GPHN: variants seen among roughly 807,000 people sequenced by gnomAD.
GPHN encodes the protein gephyrin.
A neutral mutation model predicts 95.5 loss-of-function variants in GPHN; 17 were observed. The ratio of observed to expected loss-of-function variants is 0.18; its 90% CI spans 0.12 to 0.27. The LOEUF is 0.27. GPHN is among the 10% of genes least tolerant of loss of function. The probability of loss-of-function intolerance (pLI) is 1.00; values close to 1 mark genes in which losing one functional copy is unlikely to be tolerated. For missense variants in GPHN, 660 were observed against 978.1 expected, an observed-to-expected ratio of 0.67 and a Z score of 4.34; for synonymous variants, 320 against 322.5, an observed-to-expected ratio of 0.99 and a Z score of 0.08.
At chr14:67,027,800 A>G (rs568535184) in intron 10 of GPHN, among the ~76,000 whole-genome samples, 79 of 152,296 alleles carry the variant, frequency 5.2e-4, no homozygotes, top group African/African-American at 1.7e-3. Context: ...ATCTTGATAC[A>G]TGCATAGAAT....
At chr14:67,150,231 A>G (rs2081173331) in intron 18 of GPHN, among the ~76,000 whole-genome samples, 1 of 151,706 alleles carries the variant, frequency 6.6e-6, no homozygotes, top group South Asian at 2.1e-4. Context: ...TCACGAGATC[A>G]GGAGATCGAG....
intron 2 of GPHN, among the ~76,000 whole-genome samples, chr14:66,704,875 A>G (rs1447203161): frequency 6.6e-6 from 1 of 152,206 alleles, no homozygotes; most frequent in Non-Finnish European, 1.5e-5. Context: ...TTAATCCAGG[A>G]GCTGGTCATT....
chr14:66,735,832 T>C (rs1000123652), intron 2 of GPHN, among the ~76,000 whole-genome samples: 2 of 152,148 alleles, frequency 1.3e-5, no homozygotes, highest in African/African-American at 2.4e-5. Flanking sequence ...TATAGAAGCA[T>C]AGAGAAAGAG....
At chr14:66,717,093 C>T (rs1350907287) in intron 2 of GPHN, among the ~76,000 whole-genome samples, 1 of 152,130 alleles carries the variant, frequency 6.6e-6, no homozygotes, top group African/African-American at 2.4e-5. Flanking sequence ...ATATGTTTTC[C>T]AAGCTTTTAG....
At chr14:67,109,712 C>T (rs993980679) in intron 13 of GPHN, among the ~76,000 whole-genome samples, 4 of 152,104 alleles carry the variant, frequency 2.6e-5, no homozygotes, top group Admixed American at 2.0e-4. Context: ...CTGCATTTCT[C>T]AAACATTAGA....
intron 8 of GPHN, among the ~76,000 whole-genome samples, chr14:66,946,601 T>C (rs985812068): frequency 1.3e-5 from 2 of 152,102 alleles, no homozygotes; most frequent in African/African-American, 4.8e-5. Context: ...AGACGGGGTT[T>C]CATATGTTGG....
the GPHN span, chr14:67,733,929 A>G: frequency 9.5e-7 from 1 of 1,058,130 alleles, no homozygotes; most frequent in Non-Finnish European, 1.5e-6. Flanking sequence ...ACCCTAAAGG[A>G]TTGTCCTCTT....
chr14:67,714,449 T>C, the GPHN span: 1 of 152,278 alleles, frequency 6.6e-6, no homozygotes, highest in East Asian at 1.9e-4. Context: ...GTTTTATTTT[T>C]GTACCTAATA....
At chr14:66,990,399 A>G (rs1199731139) in intron 9 of GPHN, among the ~76,000 whole-genome samples, 1 of 152,154 alleles carries the variant, frequency 6.6e-6, no homozygotes, top group Middle Eastern at 3.2e-3. Flanking sequence ...AGTCAGAACC[A>G]TGTTCCTTAT....
At chr14:67,074,296 A>G (rs1010498663) in intron 11 of GPHN, among the ~76,000 whole-genome samples, 2 of 151,054 alleles carry the variant, frequency 1.3e-5, no homozygotes, top group Non-Finnish European at 2.9e-5. Flanking sequence ...GTGTCACATT[A>G]TGGTAATTCT....
At chr14:66,858,726 G>C (rs2144909) in intron 4 of GPHN, among the ~76,000 whole-genome samples, 47,163 of 151,848 alleles carry the variant, frequency 0.31, 11,344 homozygotes, top group African/African-American at 0.65. Flanking sequence ...AGGCCTTGGA[G>C]CTTGGACAGC....
At chr14:67,705,159 T>C in the GPHN span, among the ~76,000 whole-genome samples, 1 of 152,120 alleles carries the variant, frequency 6.6e-6, no homozygotes, top group African/African-American at 2.4e-5. Context: ...TCGTTAGAAG[T>C]TGGAATGATT....
chr14:66,625,361 C>A (rs1043136433), intron 1 of GPHN, among the ~76,000 whole-genome samples: 17 of 152,174 alleles, frequency 1.1e-4, no homozygotes, highest in Admixed American at 1.1e-3. Flanking sequence ...TCATGGGCCA[C>A]CATGCCCGGC....
chr14:67,670,106 C>T, the GPHN span, among the ~76,000 whole-genome samples: 24 of 152,152 alleles, frequency 1.6e-4, no homozygotes, highest in African/African-American at 5.8e-4. Context: ...CTGTGTCAAA[C>T]AAATTCCCGT....
intron 2 of GPHN, among the ~76,000 whole-genome samples, chr14:66,699,340 T>TA (rs1295199462): frequency 2.0e-5 from 3 of 151,592 alleles, no homozygotes; most frequent in Non-Finnish European, 4.4e-5. Context: ...CCCTAAAACT[T>TA]AAAGTATAAT....
chr14:67,345,926 A>G, the GPHN span: 1 of 1,102,652 alleles, frequency 9.1e-7, no homozygotes, highest in African/African-American at 1.6e-5. Context: ...CTTCCCTATA[A>G]AATTCCCCAA....
chr14:66,876,211 GAC>G (rs1398947516), intron 4 of GPHN, among the ~76,000 whole-genome samples: 1 of 152,036 alleles, frequency 6.6e-6, no homozygotes, highest in Non-Finnish European at 1.5e-5. Flanking sequence ...TGAGAACAAA[GAC>G]ACAATAAACC....
intron 21 of GPHN, among the ~76,000 whole-genome samples, chr14:67,173,837 T>A (rs889867344): frequency 5.3e-5 from 8 of 152,038 alleles, no homozygotes; most frequent in South Asian, 2.1e-4. Context: ...ATGATATAAA[T>A]GAGAAATTCA....
At chr14:67,382,285 T>C in the GPHN span, 1 of 513,830 alleles carries the variant, frequency 1.9e-6, no homozygotes, top group Admixed American at 3.8e-5. Flanking sequence ...CCCCAAAACG[T>C]AATTGCCAAT....
Sources: allele counts gnomAD v4.1 joint callset (sites outside exome capture counted in the v4.1 genomes callset), GRCh38; gene constraint gnomAD v4.1.1; transcripts MANE v1.5; gene names NCBI Gene and HGNC (gene_info 2026-07-23, HGNC 2026-07-21).